AKAP19: variants seen among roughly 807,000 people sequenced by gnomAD.
AKAP19 encodes the protein small A-kinase anchoring protein.
the AKAP19 span, among the ~76,000 whole-genome samples, chr2:189,900,321 C>G: frequency 6.6e-6 from 1 of 151,290 alleles, no homozygotes; most frequent in East Asian, 1.9e-4. Flanking sequence ...TCCAACAGAG[C>G]CTAAAGGTTA....
the AKAP19 span, among the ~76,000 whole-genome samples, chr2:189,970,553 G>A: frequency 3.3e-5 from 5 of 152,172 alleles, no homozygotes; most frequent in East Asian, 1.9e-4. Flanking sequence ...ATATTAAAAT[G>A]CATAACCCTA....
At chr2:190,082,502 T>C in the AKAP19 span, among the ~76,000 whole-genome samples, 19 of 152,266 alleles carry the variant, frequency 1.2e-4, no homozygotes, top group Non-Finnish European at 2.8e-4. Flanking sequence ...TTCTGTTATA[T>C]ACATTTATTA....
the AKAP19 span, among the ~76,000 whole-genome samples, chr2:190,188,017 T>A: frequency 6.6e-6 from 1 of 152,228 alleles, no homozygotes; most frequent in Non-Finnish European, 1.5e-5. Context: ...GTAAAGGGGC[T>A]TTCTTTTCCT....
At chr2:189,988,310 AC>A in the AKAP19 span, among the ~76,000 whole-genome samples, 1 of 152,232 alleles carries the variant, frequency 6.6e-6, no homozygotes, top group African/African-American at 2.4e-5. Context: ...TTACTGGCAT[AC>A]AAAGGAAGGG....
At chr2:190,173,378 A>G in the AKAP19 span, among the ~76,000 whole-genome samples, 50 of 152,188 alleles carry the variant, frequency 3.3e-4, no homozygotes, top group Admixed American at 4.6e-4. Context: ...CTAAGAAAAA[A>G]TGTTCAAAAG....
At chr2:189,924,567 T>C in the AKAP19 span, among the ~76,000 whole-genome samples, 1 of 152,194 alleles carries the variant, frequency 6.6e-6, no homozygotes, top group Non-Finnish European at 1.5e-5. Flanking sequence ...CATTCATACA[T>C]AAGTTCAGTA....
the AKAP19 span, among the ~76,000 whole-genome samples, chr2:190,174,545 A>G: frequency 2.6e-5 from 4 of 152,232 alleles, no homozygotes; most frequent in African/African-American, 7.2e-5. Context: ...GTGAAAGTCC[A>G]TAATTCCAGG....
chr2:189,898,675 A>G, the AKAP19 span, among the ~76,000 whole-genome samples: 2 of 152,166 alleles, frequency 1.3e-5, no homozygotes, highest in African/African-American at 4.8e-5. Context: ...TTATCTTGTC[A>G]GTTCTACTTG....
the AKAP19 span, among the ~76,000 whole-genome samples, chr2:190,140,916 C>G: frequency 6.6e-6 from 1 of 152,086 alleles, no homozygotes; most frequent in East Asian, 1.9e-4. Context: ...TCTTCTTGAA[C>G]ACTTTACCAC....
the AKAP19 span, among the ~76,000 whole-genome samples, chr2:190,076,564 C>G: frequency 1.3e-5 from 2 of 151,988 alleles, no homozygotes; most frequent in African/African-American, 4.8e-5. Context: ...ATATGGAATT[C>G]TATATTGCCA....
the AKAP19 span, among the ~76,000 whole-genome samples, chr2:190,166,879 C>A: frequency 6.7e-6 from 1 of 149,316 alleles, no homozygotes. Context: ...CAATTATAGC[C>A]AGCAAAAAAA....
At chr2:189,993,254 T>C in the AKAP19 span, among the ~76,000 whole-genome samples, 2 of 152,254 alleles carry the variant, frequency 1.3e-5, no homozygotes, top group Non-Finnish European at 2.9e-5. Context: ...AGATGCTTTT[T>C]CTGCATCTAT....
At chr2:189,907,115 C>T in the AKAP19 span, among the ~76,000 whole-genome samples, 1 of 152,158 alleles carries the variant, frequency 6.6e-6, no homozygotes, top group Non-Finnish European at 1.5e-5. Context: ...CAGACCAATC[C>T]TTGAACTACA....
chr2:189,912,054 A>G, the AKAP19 span, among the ~76,000 whole-genome samples: 1 of 151,520 alleles, frequency 6.6e-6, no homozygotes, highest in Non-Finnish European at 1.5e-5. Context: ...TTTGCATGTT[A>G]AGGGAGCTTA....
the AKAP19 span, among the ~76,000 whole-genome samples, chr2:190,011,796 A>G: frequency 3.3e-5 from 5 of 152,052 alleles, no homozygotes; most frequent in Admixed American, 2.6e-4. Flanking sequence ...CTGTGTATCC[A>G]TTTTTATGCC....
chr2:190,022,898 G>A, the AKAP19 span, among the ~76,000 whole-genome samples: 1 of 152,094 alleles, frequency 6.6e-6, no homozygotes, highest in Non-Finnish European at 1.5e-5. Context: ...AGAAGGATAG[G>A]TGAGATGTTA....
At chr2:190,089,583 G>A in the AKAP19 span, 4 of 152,056 alleles carry the variant, frequency 2.6e-5, no homozygotes, top group Non-Finnish European at 4.4e-5. Context: ...AGCCAGAATA[G>A]ACTAGTTCAT....
At chr2:190,037,975 C>T in the AKAP19 span, among the ~76,000 whole-genome samples, 1 of 152,188 alleles carries the variant, frequency 6.6e-6, no homozygotes, top group Non-Finnish European at 1.5e-5. Context: ...CCCTCCACCC[C>T]CATGTTGCTT....
At chr2:189,919,789 T>C in the AKAP19 span, among the ~76,000 whole-genome samples, 1 of 152,202 alleles carries the variant, frequency 6.6e-6, no homozygotes. Context: ...TTATGTTGTC[T>C]CTGTAGAGTC....
Sources: gnomAD v4.1 joint callset for allele counts (sites outside exome capture counted in the v4.1 genomes callset) on GRCh38, gnomAD v4.1.1 for gene constraint, MANE v1.5 for transcripts, NCBI Gene and HGNC (gene_info 2026-07-23, HGNC 2026-07-21) for gene names.